Variants in TMC1 observed in about 807,000 individuals in gnomAD.
TMC1 encodes the protein transmembrane channel like 1, also known as transmembrane channel-like protein 1.
TMC1 carries 84 observed loss-of-function variants against 105.8 expected under a neutral mutation model. The observed-to-expected ratio is 0.79, with a 90% CI of 0.67 to 0.95. TMC1 has a LOEUF of 0.95. Among genes scored for constraint, TMC1 ranks in the 40% least tolerant of loss-of-function variants. The probability of loss-of-function intolerance (pLI) is 0.00; values close to 1 mark genes in which losing one functional copy is unlikely to be tolerated. For missense variants in TMC1, 817 were observed against 914.1 expected (o/e 0.89, Z 1.37); for synonymous variants, 315 against 311.5 (o/e 1.01, Z -0.12).
chr9:72,582,337 A>G (rs1299984090), intron 2 of TMC1, among the ~76,000 whole-genome samples: 1 of 152,258 alleles, frequency 6.6e-6, no homozygotes, highest in African/African-American at 2.4e-5. Context: ...AAATTGTGCT[A>G]TGCTTTAATG....
intron 2 of TMC1, among the ~76,000 whole-genome samples, chr9:72,608,166 A>G (rs1180589962): frequency 2.0e-5 from 3 of 152,192 alleles, no homozygotes; most frequent in Non-Finnish European, 4.4e-5. Flanking sequence ...AAGCACAGAA[A>G]AAAGAGAAAT....
chr9:72,789,297 G>A lies in TMC1; in HGVS notation c.1204G>A (p.Gly402Arg). The A allele has an allele frequency of 6.2e-7, 1 of 1,613,930 alleles. No homozygotes were observed. The highest frequency in any genetic ancestry group is 8.5e-7 in the Non-Finnish European group (1 of 1,179,878). The stretch of plus-strand genomic sequence containing the variant: ...TGCACAGCAAGATCCTGACACCCTT[G>A]GGTGGTGGGAAAAAAATGAAGTTCG... Reference protein sequence around the residue: ...EFAQQDPDTLGWWEKNEMNMV... With the variant: ...EFAQQDPDTLRWWEKNEMNMV... Residue 402 changes from glycine to arginine, a missense_variant, in exon 15 of 24, where the codon GGG becomes AGG. Gly to Arg is a moderately radical substitution (Grantham distance 125). Transcript: ENST00000297784.
chr9:72,603,005 C>A (rs1246846494), intron 2 of TMC1, among the ~76,000 whole-genome samples: 1 of 152,076 alleles, frequency 6.6e-6, no homozygotes, highest in East Asian at 1.9e-4. Context: ...TATTTTAATG[C>A]CATTTACCAG....
chr9:72,793,192 A>T (rs777687394), intron 17 of TMC1, among the ~76,000 whole-genome samples: 2 of 152,132 alleles, frequency 1.3e-5, no homozygotes, highest in African/African-American at 4.8e-5. Flanking sequence ...GCTTCCTGTC[A>T]AAAGTAGCTA....
At chr9:72,560,392 C>T (rs1319383571) in intron 1 of TMC1, among the ~76,000 whole-genome samples, 1 of 152,162 alleles carries the variant, frequency 6.6e-6, no homozygotes, top group Non-Finnish European at 1.5e-5. Context: ...ACAGGTTAAT[C>T]CCCTCCTGTA....
chr9:72,634,453 C>T (rs554802689), intron 4 of TMC1, among the ~76,000 whole-genome samples: 54 of 152,262 alleles, frequency 3.5e-4, no homozygotes, highest in Middle Eastern at 3.4e-3. Flanking sequence ...AATTTAAGTT[C>T]TTCTCATAAG....
chr9:72,799,275 A>C (rs1828428539), intron 17 of TMC1, among the ~76,000 whole-genome samples: 1 of 152,134 alleles, frequency 6.6e-6, no homozygotes, highest in African/African-American at 2.4e-5. Flanking sequence ...TGAGTTTAGC[A>C]CTGAATGTAG....
intron 2 of TMC1, among the ~76,000 whole-genome samples, chr9:72,581,285 CTAGT>C (rs1045764173): frequency 6.6e-6 from 1 of 152,096 alleles, no homozygotes; most frequent in African/African-American, 2.4e-5. Context: ...TTATTTTTCT[CTAGT>C]TATGTTTACC....
At chr9:72,831,233 G>C (rs1007399784) in intron 23 of TMC1, among the ~76,000 whole-genome samples, 5 of 152,110 alleles carry the variant, frequency 3.3e-5, no homozygotes, top group Non-Finnish European at 5.9e-5. Flanking sequence ...ACGGAAAGGT[G>C]ATACCTAAGA....
At chr9:72,554,034 A>G (rs576615685) in intron 1 of TMC1, among the ~76,000 whole-genome samples, 3 of 152,314 alleles carry the variant, frequency 2.0e-5, no homozygotes, top group East Asian at 3.9e-4. Flanking sequence ...AGCACAAAGC[A>G]TCTAACAATA....
Position 72,792,317 on chromosome 9 carries a change from C to T in TMC1, c.1531C>T (p.Pro511Ser). ...CTTTTTTGTTCACCCTGCAGATGTACCTCGAGGACCTTGCTGGGAAACAAT... is the reference window on the plus strand; with the variant it reads ...CTTTTTTGTTCACCCTGCAGATGTATCTCGAGGACCTTGCTGGGAAACAAT... ...PPFFVHPADV[P>S]RGPCWETMVG... Residue 511 changes from proline (P) to serine (S), a missense_variant, in exon 17 of 24, where the codon CCT becomes TCT. Pro to Ser is a moderately conservative substitution (Grantham distance 74). Transcript: ENST00000297784. The T allele has an allele frequency of 1.2e-6, 2 of 1,614,080 alleles. No homozygotes were observed. The highest frequency in any genetic ancestry group is 2.2e-5 in the South Asian group (2 of 91,070).
At chr9:72,721,333 T>C (rs1478439659) in intron 8 of TMC1, among the ~76,000 whole-genome samples, 1 of 152,214 alleles carries the variant, frequency 6.6e-6, no homozygotes, top group South Asian at 2.1e-4. Flanking sequence ...CTTGACTCTT[T>C]CCCACAGTTC....
intron 12 of TMC1, among the ~76,000 whole-genome samples, chr9:72,755,285 G>A: frequency 6.6e-6 from 1 of 152,130 alleles, no homozygotes; most frequent in Non-Finnish European, 1.5e-5. Context: ...AATAAAGGAA[G>A]AGTTTGCAAA....
rs570103595 is a variant in TMC1, at chr9:72,578,025, T to A, written c.-306+2T>A. 2 of 152,234 alleles carry A rather than the reference T, an allele frequency of 1.3e-5. No homozygotes were observed. Among genetic ancestry groups the A allele is most frequent in the African/African-American group, 4.8e-5 (2 of 41,528 alleles). 9.4% of individuals were successfully genotyped at this position (152,234 alleles called of 1,614,324 possible). A position where few individuals can be genotyped will look rare whatever the true frequency, so the allele number is the denominator to read the frequency against. ...CCTCCTGAGTAGCTGGGATTTCAGG[T>A]ATGCCTCACCATGCCTGGCTGATTT... On this transcript the variant is annotated splice_donor_variant, in intron 2 of 23. Transcript: ENST00000297784. LOFTEE classifies it low-confidence loss of function (5UTR_SPLICE).
intron 8 of TMC1, among the ~76,000 whole-genome samples, chr9:72,726,799 TG>T (rs1305073781): frequency 4.6e-5 from 7 of 152,152 alleles, no homozygotes; most frequent in Admixed American, 4.6e-4. Context: ...TTTTGAAAAA[TG>T]TTTTGAAAAA....
At chr9:72,580,501 T>C (rs142973867) in intron 2 of TMC1, among the ~76,000 whole-genome samples, 110 of 152,332 alleles carry the variant, frequency 7.2e-4, no homozygotes, top group African/African-American at 2.5e-3. Flanking sequence ...TATGTACATT[T>C]TAAGATATTG....
At chr9:72,671,955 G>C (rs1267470917) in intron 5 of TMC1, among the ~76,000 whole-genome samples, 1 of 152,120 alleles carries the variant, frequency 6.6e-6, no homozygotes, top group African/African-American at 2.4e-5. Context: ...ATTTCTTAAA[G>C]GAAGAAAGAT....
intron 8 of TMC1, among the ~76,000 whole-genome samples, chr9:72,719,966 TCTCTACATC>T (rs1826993801): frequency 6.6e-6 from 1 of 152,244 alleles, no homozygotes; most frequent in African/African-American, 2.4e-5. Flanking sequence ...AGTTTCTTAG[TCTCTACATC>T]CTTGAGTCTC....
At chr9:72,526,954 G>C (rs1391735106) in intron 1 of TMC1, among the ~76,000 whole-genome samples, 2 of 152,218 alleles carry the variant, frequency 1.3e-5, no homozygotes, top group Non-Finnish European at 2.9e-5. Context: ...GTCCATTCAG[G>C]CCATGGAATT....
Sources: allele counts gnomAD v4.1 joint callset (sites outside exome capture counted in the v4.1 genomes callset), GRCh38; gene constraint gnomAD v4.1.1; transcripts MANE v1.5; gene names NCBI Gene and HGNC (gene_info 2026-07-23, HGNC 2026-07-21).